C8orf34: variants seen among roughly 807,000 people sequenced by gnomAD.
C8orf34 encodes uncharacterized protein C8orf34.
C8orf34 carries 65 observed loss-of-function variants against 68.3 expected under a neutral mutation model. The ratio of observed to expected loss-of-function variants is 0.95; its 90% CI spans 0.78 to 1.17. The LOEUF is 1.17. Ranked by LOEUF, C8orf34 falls within the 50% of genes most tolerant of loss-of-function variation. The pLI is 0.00. For synonymous variants in C8orf34, 244 were observed against 241.2 expected (o/e 1.01, Z -0.11); for missense variants, 664 against 655.4 (o/e 1.01, Z -0.14).
chr8:68,610,861 G>GTTTTTTT (rs60113883), intron 7 of C8orf34, among the ~76,000 whole-genome samples: 35 of 120,444 alleles, frequency 2.9e-4, no homozygotes, highest in African/African-American at 9.7e-4. Flanking sequence ...TGAATCTTTG[G>GTTTTTTT]TTTTTTTTTT....
rs1170973412 is a variant in C8orf34, at chr8:68,695,241, G to T, written c.1242-13753G>T. 5.3e-5 allele frequency among the ~76,000 whole-genome samples: 8 copies of T among 151,748 alleles called. No individual in the cohort carries two copies. The South Asian group carries it at 1.5e-3, about 28-fold the overall frequency. ...AACTCACTGCAACCTCTGCCTCCTGGATTCAACCGATTCTCCTGCCTCAAC... is the reference window on the plus strand; with the variant it reads ...AACTCACTGCAACCTCTGCCTCCTGTATTCAACCGATTCTCCTGCCTCAAC... On this transcript the variant is annotated intron_variant, in intron 8 of 13. Coordinates refer to ENST00000518698, the MANE Select transcript of C8orf34 (RefSeq NM_052958.4).
At chr8:68,533,193 T>C in intron 7 of C8orf34, 44 bp downstream of exon 7, 1 of 1,542,268 alleles carries the variant, frequency 6.5e-7, no homozygotes, top group East Asian at 2.3e-5. Context: ...TCTTTGACAT[T>C]GTAAAAAAAA....
At chr8:68,458,615 G>C (rs530224586) in intron 3 of C8orf34, among the ~76,000 whole-genome samples, 3 of 152,170 alleles carry the variant, frequency 2.0e-5, no homozygotes, top group African/African-American at 7.2e-5. Flanking sequence ...CCAAAGTTTT[G>C]AAGAATCTGA....
At chr8:68,617,779 C>T (rs1043464742) in intron 7 of C8orf34, among the ~76,000 whole-genome samples, 6 of 152,090 alleles carry the variant, frequency 3.9e-5, no homozygotes, top group African/African-American at 7.2e-5. Context: ...TTGTTCTTCT[C>T]GAGGAGTATC....
chr8:68,525,790 A>ACT, intron 6 of C8orf34: 1 of 432,800 alleles, frequency 2.3e-6, no homozygotes, highest in South Asian at 1.8e-5. Context: ...GCTTCATCAC[A>ACT]GTGAGAAACA....
At chr8:68,717,804 A>G (rs1408526311) in intron 9 of C8orf34, among the ~76,000 whole-genome samples, 1 of 152,200 alleles carries the variant, frequency 6.6e-6, no homozygotes. Flanking sequence ...ACCAATGTTA[A>G]TGTAGCATAA....
chr8:68,527,428 C>T (rs879653606), intron 6 of C8orf34, among the ~76,000 whole-genome samples: 36 of 152,012 alleles, frequency 2.4e-4, no homozygotes, highest in Admixed American at 1.6e-3. Flanking sequence ...AAAAATTAGC[C>T]GGGCGTGGTG....
intron 7 of C8orf34, among the ~76,000 whole-genome samples, chr8:68,577,939 C>T (rs1023048620): frequency 5.9e-5 from 9 of 151,496 alleles, no homozygotes; most frequent in Non-Finnish European, 1.2e-4. Flanking sequence ...TCTCATGAGA[C>T]TAACATTATA....
At chr8:68,504,869 G>T (rs530967074) in intron 5 of C8orf34, among the ~76,000 whole-genome samples, 3 of 151,892 alleles carry the variant, frequency 2.0e-5, no homozygotes, top group Admixed American at 6.6e-5. Context: ...AGTAGAGATG[G>T]TGTTTCACCA....
At chr8:68,794,500 TATATA>T (rs1563674006) in intron 12 of C8orf34, among the ~76,000 whole-genome samples, 1 of 89,256 alleles carries the variant, frequency 1.1e-5, no homozygotes, top group Non-Finnish European at 2.0e-5. Flanking sequence ...TATATATATA[TATATA>T]TTTTTTTTTT....
chr8:68,445,784 T>C (rs920534861), intron 2 of C8orf34, among the ~76,000 whole-genome samples: 3 of 152,134 alleles, frequency 2.0e-5, no homozygotes, highest in African/African-American at 7.2e-5. Flanking sequence ...CTGAAAAACA[T>C]TTCAAATTAA....
intron 7 of C8orf34, among the ~76,000 whole-genome samples, chr8:68,616,659 T>C (rs909043508): frequency 6.6e-6 from 1 of 152,170 alleles, no homozygotes; most frequent in South Asian, 2.1e-4. Context: ...GAGAGACAGT[T>C]TGTTATAATT....
chr8:68,725,074 C>T (rs537662342), intron 10 of C8orf34, among the ~76,000 whole-genome samples: 1 of 152,216 alleles, frequency 6.6e-6, no homozygotes, highest in Non-Finnish European at 1.5e-5. Flanking sequence ...GCTATGTTGC[C>T]CAGGCTGCTC....
chr8:68,629,001 C>A (rs920017), intron 7 of C8orf34, among the ~76,000 whole-genome samples: 21,138 of 151,856 alleles, frequency 0.14, 1,524 homozygotes, highest in Admixed American at 0.21. Flanking sequence ...TGTTTAAAAA[C>A]AAATTACTGC....
chr8:68,778,782 G>A (rs764260538), intron 11 of C8orf34, among the ~76,000 whole-genome samples: 4 of 152,032 alleles, frequency 2.6e-5, no homozygotes, highest in Non-Finnish European at 2.9e-5. Context: ...TTATATTAAC[G>A]TTCATTTAGA....
intron 1 of C8orf34, among the ~76,000 whole-genome samples, chr8:68,435,323 C>T (rs1810619250): frequency 6.6e-6 from 1 of 151,868 alleles, no homozygotes; most frequent in African/African-American, 2.4e-5. Context: ...TGTAGCTGTG[C>T]TAAATAGGGT....
At chr8:68,435,233 T>C (rs1418129388) in intron 1 of C8orf34, among the ~76,000 whole-genome samples, 1 of 150,420 alleles carries the variant, frequency 6.6e-6, no homozygotes, top group Non-Finnish European at 1.5e-5. Context: ...AGAAAAACAA[T>C]AGTAAAAATA....
At chr8:68,817,633 T>G (rs1180699716) in intron 13 of C8orf34, among the ~76,000 whole-genome samples, 4 of 152,110 alleles carry the variant, frequency 2.6e-5, no homozygotes, top group Non-Finnish European at 2.9e-5. Context: ...ATGTAAAATA[T>G]TCTAGAAACA....
chr8:68,367,778 T>G (rs814461), intron 1 of C8orf34, among the ~76,000 whole-genome samples: 1 of 136,284 alleles, frequency 7.3e-6, no homozygotes, highest in East Asian at 2.2e-4. Flanking sequence ...ATGGATAGCA[T>G]TGGGAGATAT....
Sources: gnomAD v4.1 joint callset for allele counts (sites outside exome capture counted in the v4.1 genomes callset) on GRCh38, gnomAD v4.1.1 for gene constraint, MANE v1.5 for transcripts, NCBI Gene and HGNC (gene_info 2026-07-23, HGNC 2026-07-21) for gene names.